The following SLC8A3 variants were observed in gnomAD, a reference collection of about 807,000 sequenced individuals.
SLC8A3 encodes the protein solute carrier family 8 member A3.
In SLC8A3, 37 loss-of-function variants were observed where a neutral mutation model predicts 65.4. The observed-to-expected ratio is 0.57, with a 90% confidence interval of 0.44 to 0.74. The LOEUF (loss-of-function observed/expected upper bound fraction) is 0.74, where lower values mean the gene tolerates loss of function less well. Ranked by LOEUF, SLC8A3 falls within the 30% of genes least tolerant of loss-of-function variation. SLC8A3 has a pLI of 0.00. For missense variants in SLC8A3, 1,112 were observed against 1,172.1 expected (o/e 0.95, Z 0.75); for synonymous variants, 461 against 444.5 (o/e 1.04, Z -0.47).
intron 3 of SLC8A3, among the ~76,000 whole-genome samples, chr14:70,056,192 C>T (rs1775448393): frequency 6.6e-6 from 1 of 152,176 alleles, no homozygotes; most frequent in Non-Finnish European, 1.5e-5. Flanking sequence ...AGTGAGAATC[C>T]AGTTATCATG....
intron 2 of SLC8A3, among the ~76,000 whole-genome samples, chr14:70,067,049 G>A (rs1889506720): frequency 6.6e-6 from 1 of 152,040 alleles, no homozygotes; most frequent in East Asian, 1.9e-4. Context: ...TGATCCAGTC[G>A]CTGCTGACCC....
intron 2 of SLC8A3, among the ~76,000 whole-genome samples, chr14:70,091,231 T>C (rs1411831565): frequency 1.3e-5 from 2 of 152,194 alleles, no homozygotes; most frequent in African/African-American, 4.8e-5. Context: ...TATTATGGGA[T>C]TTAATTTTAT....
At chr14:70,140,305 A>G (rs1895478903) in intron 2 of SLC8A3, among the ~76,000 whole-genome samples, 1 of 152,176 alleles carries the variant, frequency 6.6e-6, no homozygotes, top group African/African-American at 2.4e-5. Context: ...CTGAGTCCCC[A>G]TGCATCATAT....
chr14:70,122,058 C>T (rs973709696), intron 2 of SLC8A3, among the ~76,000 whole-genome samples: 1 of 152,134 alleles, frequency 6.6e-6, no homozygotes, highest in Non-Finnish European at 1.5e-5. Flanking sequence ...ACTGCCACAG[C>T]TCTATCCCTG....
Position 70,166,868 on chromosome 14 carries a change from CCACA to C in SLC8A3, c.1551_1554del (p.Cys517TrpfsTer52). On this transcript the variant is annotated frameshift_variant, in exon 2 of 7. Transcript: ENST00000356921. LOFTEE classifies it high-confidence loss of function. ...TCATCATCCAAGATGGTAACTGTGG[CCACA>C]CAAGGGGAGGCTAGGACAGCCCGAG... The C allele has an allele frequency of 6.2e-7, 1 of 1,614,076 alleles. No individual in the cohort carries two copies. Among genetic ancestry groups the C allele is most frequent in the Non-Finnish European group, 8.5e-7 (1 of 1,179,950 alleles).
At chr14:70,164,490 C>T (rs549183660) in intron 2 of SLC8A3, among the ~76,000 whole-genome samples, 1 of 152,208 alleles carries the variant, frequency 6.6e-6, no homozygotes, top group Middle Eastern at 3.4e-3. Flanking sequence ...GGTTGACATA[C>T]CTTTAGAATG....
intron 2 of SLC8A3, among the ~76,000 whole-genome samples, chr14:70,089,256 T>C (rs968274635): frequency 3.9e-5 from 6 of 152,156 alleles, no homozygotes; most frequent in African/African-American, 1.4e-4. Context: ...TTAGACTGAT[T>C]TGGGGAGCCT....
At chr14:70,099,094 C>T (rs1892387111) in intron 2 of SLC8A3, among the ~76,000 whole-genome samples, 1 of 152,146 alleles carries the variant, frequency 6.6e-6, no homozygotes, top group African/African-American at 2.4e-5. Flanking sequence ...AATCCTGCTG[C>T]CTCTTCCAGG....
At chr14:70,148,245 T>C (rs1282543759) in intron 2 of SLC8A3, among the ~76,000 whole-genome samples, 2 of 152,236 alleles carry the variant, frequency 1.3e-5, no homozygotes, top group Non-Finnish European at 2.9e-5. Flanking sequence ...CTGTGGGTTA[T>C]ATGAAATAAA....
chr14:70,069,394 T>G (rs1183781747), intron 2 of SLC8A3, among the ~76,000 whole-genome samples: 1 of 152,142 alleles, frequency 6.6e-6, no homozygotes, highest in Non-Finnish European at 1.5e-5. Flanking sequence ...ACTGAATGAC[T>G]CTTTACCCTG....
chr14:70,126,255 A>G (rs1894434843), intron 2 of SLC8A3, among the ~76,000 whole-genome samples: 1 of 152,094 alleles, frequency 6.6e-6, no homozygotes, highest in Non-Finnish European at 1.5e-5. Flanking sequence ...CAATCAATCA[A>G]TCAATCAATA....
intron 1 of SLC8A3, among the ~76,000 whole-genome samples, chr14:70,174,188 G>T (rs375556404): frequency 6.9e-4 from 105 of 152,342 alleles, no homozygotes; most frequent in Middle Eastern, 3.4e-3. Context: ...TCGAGCAAAG[G>T]CTCAAGGAGG....
intron 1 of SLC8A3, among the ~76,000 whole-genome samples, chr14:70,177,420 A>C (rs1229246993): frequency 1.3e-5 from 2 of 152,210 alleles, no homozygotes; most frequent in African/African-American, 4.8e-5. Context: ...TAATTACACC[A>C]AAACAACTAC....
chr14:70,063,461 C>T lies in SLC8A3; in HGVS notation c.1785-2522G>A, dbSNP rs149836581. 4.1e-3 allele frequency among the ~76,000 whole-genome samples: 624 copies of T among 152,296 alleles called. 4 individuals are homozygous for T. The highest frequency in any genetic ancestry group is 0.014 in the African/African-American group (582 of 41,552). On this transcript the variant is annotated intron_variant, in intron 2 of 6. Transcript: ENST00000356921. ...GGTGCTGGGCTATGTGGTCCCTTTT[C>T]CCCCCTTTATGCCCAGCCATTCTGG...
chr14:70,112,211 A>G (rs1893355101), intron 2 of SLC8A3, among the ~76,000 whole-genome samples: 1 of 152,202 alleles, frequency 6.6e-6, no homozygotes, highest in Non-Finnish European at 1.5e-5. Context: ...TTGCCAGAGA[A>G]GGTCAGGATC....
chr14:70,048,954 C>T lies in SLC8A3; in HGVS notation c.2202G>A (p.Lys734=). ...YVMHFLTVFW[K]VLFACVPPTE... Reference sequence around the variant, plus strand: ...TGGGGGGCACACAGGCAAACAGCACCTTCCAGAAGACAGTCAGGAAGTGCA... The same window carrying T: ...TGGGGGGCACACAGGCAAACAGCACTTTCCAGAAGACAGTCAGGAAGTGCA... Residue 734 remains lysine, a synonymous_variant, in exon 6 of 7, where the codon AAG becomes AAA. Coordinates refer to ENST00000356921, the MANE Select transcript of SLC8A3 (RefSeq NM_182932.3). The T allele has an allele frequency of 1.2e-6, 2 of 1,614,264 alleles. No individual in the cohort carries two copies. Among genetic ancestry groups the T allele is most frequent in the Non-Finnish European group, 1.7e-6 (2 of 1,180,050 alleles).
intron 2 of SLC8A3, among the ~76,000 whole-genome samples, chr14:70,075,874 TC>T (rs1890466846): frequency 6.6e-6 from 1 of 152,180 alleles, no homozygotes; most frequent in Non-Finnish European, 1.5e-5. Flanking sequence ...TCTGGAGGGC[TC>T]GATAAAACAC....
chr14:70,099,839 A>G (rs1447355507), intron 2 of SLC8A3, among the ~76,000 whole-genome samples: 2 of 152,208 alleles, frequency 1.3e-5, no homozygotes, highest in African/African-American at 2.4e-5. Context: ...TTTAAAAAGC[A>G]TCTGATAATA....
At chr14:70,097,402 C>A (rs1285076329) in intron 2 of SLC8A3, among the ~76,000 whole-genome samples, 1 of 152,082 alleles carries the variant, frequency 6.6e-6, no homozygotes, top group Admixed American at 6.5e-5. Context: ...TACAGAATGT[C>A]ATTTAAAATG....
Sources: gnomAD v4.1 joint callset for allele counts (sites outside exome capture counted in the v4.1 genomes callset) on GRCh38, gnomAD v4.1.1 for gene constraint, MANE v1.5 for transcripts, NCBI Gene and HGNC (gene_info 2026-07-23, HGNC 2026-07-21) for gene names.